UBE2H: variants seen among roughly 807,000 people sequenced by gnomAD.
The protein encoded by UBE2H is ubiquitin conjugating enzyme E2 H.
Under a neutral mutation model 29.0 loss-of-function variants are expected in UBE2H, and 3 were observed. The observed-to-expected ratio is 0.10, with a 90% CI of 0.05 to 0.27. The LOEUF is 0.27. Ranked by LOEUF, UBE2H falls within the 10% of genes least tolerant of loss-of-function variation. UBE2H has a pLI of 1.00. For missense variants in UBE2H, 68 were observed against 228.2 expected (o/e 0.30, Z 4.52); for synonymous variants, 69 against 82.9 (o/e 0.83, Z 0.91).
chr7:129,844,569 AAAGG>A (rs1039967691), intron 5 of UBE2H, among the ~76,000 whole-genome samples: 5 of 152,202 alleles, frequency 3.3e-5, no homozygotes, highest in African/African-American at 1.2e-4. Context: ...CAATTTTTTT[AAAGG>A]AAGAGAGCCA....
intron 5 of UBE2H, among the ~76,000 whole-genome samples, chr7:129,844,836 A>C (rs552660416): frequency 6.6e-6 from 1 of 152,334 alleles, no homozygotes; most frequent in South Asian, 2.1e-4. Flanking sequence ...CATATTTACT[A>C]TTTAAAAACA....
chr7:129,941,796 T>C (rs1325958907), intron 1 of UBE2H, among the ~76,000 whole-genome samples: 1 of 152,066 alleles, frequency 6.6e-6, no homozygotes, highest in Admixed American at 6.6e-5. Context: ...TTATAATTTA[T>C]CAGAAAGAAT....
chr7:129,918,269 C>T (rs1807083750), intron 1 of UBE2H, among the ~76,000 whole-genome samples: 1 of 152,058 alleles, frequency 6.6e-6, no homozygotes, highest in African/African-American at 2.4e-5. Context: ...GTTCTTTTAA[C>T]TATATCCATA....
chr7:129,952,105 C>T (rs1056606734), intron 1 of UBE2H, among the ~76,000 whole-genome samples: 5 of 151,910 alleles, frequency 3.3e-5, no homozygotes, highest in African/African-American at 4.8e-5. Flanking sequence ...GCTTCCCTCT[C>T]GGGAATTTCT....
chr7:129,878,638 G>A lies in UBE2H; in HGVS notation c.205+930C>T, dbSNP rs141776908. Among the ~76,000 whole-genome samples the A allele has an allele frequency of 6.6e-3, 941 of 142,068 alleles. 2 individuals are homozygous for A. Among genetic ancestry groups the A allele is most frequent in the Non-Finnish European group, 9.8e-3 (656 of 66,828 alleles). 93.2% of individuals were successfully genotyped at this position (142,068 alleles called of 152,430 possible). ...GCGGACCTTGCAGTGAGTCGAGATC[G>A]TGCCACTGCACTCCAGCCTGGGCGA... On this transcript the variant is annotated intron_variant, in intron 3 of 6. Coordinates refer to ENST00000355621, the MANE Select transcript of UBE2H (RefSeq NM_003344.4).
chr7:129,902,667 A>C (rs965855374), intron 1 of UBE2H, among the ~76,000 whole-genome samples: 2 of 152,144 alleles, frequency 1.3e-5, no homozygotes, highest in Admixed American at 6.6e-5. Context: ...AAATGAACAC[A>C]CTGGACCCCA....
At chr7:129,868,408 G>A (rs1391429849) in intron 3 of UBE2H, among the ~76,000 whole-genome samples, 1 of 148,196 alleles carries the variant, frequency 6.7e-6, no homozygotes, top group African/African-American at 2.5e-5. Flanking sequence ...GTGAAACCCC[G>A]TCTCTACTAA....
chr7:129,944,997 A>C (rs1231911036), intron 1 of UBE2H, among the ~76,000 whole-genome samples: 3 of 152,336 alleles, frequency 2.0e-5, no homozygotes, highest in East Asian at 3.9e-4. Context: ...TCTCAGAATT[A>C]TAAGTGAAAG....
chr7:129,938,464 C>T (rs1476093426), intron 1 of UBE2H, among the ~76,000 whole-genome samples: 1 of 146,888 alleles, frequency 6.8e-6, no homozygotes, highest in Non-Finnish European at 1.5e-5. Flanking sequence ...CTTGCAATCC[C>T]AGCACTTTGA....
intron 1 of UBE2H, among the ~76,000 whole-genome samples, chr7:129,934,638 TAA>T (rs758214225): frequency 3.2e-4 from 21 of 65,838 alleles, no homozygotes; most frequent in East Asian, 4.9e-4. Flanking sequence ...ACTCCGTCTT[TAA>T]AAAAAAAAAA....
chr7:129,909,976 A>AG (rs981874262), intron 1 of UBE2H, among the ~76,000 whole-genome samples: 23 of 152,090 alleles, frequency 1.5e-4, no homozygotes, highest in South Asian at 4.2e-4. Context: ...ACAAATATAG[A>AG]GGGGGGGTGA....
Position 129,887,123 on chromosome 7 carries a change from C to T in UBE2H, c.54-6152G>A, listed in dbSNP as rs189803758. On this transcript the variant is annotated intron_variant, in intron 1 of 6. Transcript: ENST00000355621. ...CTTTAAAACCTAATAACATAGTTAT[C>T]ATCAAAAGTTTAGCTTTGTAGAGGC... Among the ~76,000 whole-genome samples, 5 of 151,734 alleles carry T rather than the reference C, an allele frequency of 3.3e-5. No individual in the cohort carries two copies. In the South Asian group the frequency reaches 8.4e-4, roughly 25 times the overall value.
intron 4 of UBE2H, among the ~76,000 whole-genome samples, chr7:129,857,843 C>A (rs940306484): frequency 1.3e-5 from 2 of 152,176 alleles, no homozygotes; most frequent in Non-Finnish European, 2.9e-5. Flanking sequence ...TTGTGTGTCT[C>A]TGAATGTGAT....
At chr7:129,840,242 TAGGTGTGATC>T (rs2116268816) in intron 5 of UBE2H, among the ~76,000 whole-genome samples, 1 of 152,190 alleles carries the variant, frequency 6.6e-6, no homozygotes, top group East Asian at 1.9e-4. Context: ...TTGGAGTGCA[TAGGTGTGATC>T]ATACCTCACT....
At chr7:129,938,944 G>T (rs1417310021) in intron 1 of UBE2H, among the ~76,000 whole-genome samples, 1 of 151,636 alleles carries the variant, frequency 6.6e-6, no homozygotes, top group Non-Finnish European at 1.5e-5. Context: ...GATTACAGGC[G>T]CCTGCCACCA....
chr7:129,910,000 T>C (rs1021832316), intron 1 of UBE2H, among the ~76,000 whole-genome samples: 10 of 151,816 alleles, frequency 6.6e-5, no homozygotes, highest in African/African-American at 2.4e-4. Context: ...AAGGAAGGCT[T>C]TGAGTAAGAT....
intron 3 of UBE2H, among the ~76,000 whole-genome samples, chr7:129,859,630 T>G (rs1805764528): frequency 6.6e-6 from 1 of 152,196 alleles, no homozygotes; most frequent in African/African-American, 2.4e-5. Flanking sequence ...GTACACACTT[T>G]AATAGCTATA....
intron 3 of UBE2H, among the ~76,000 whole-genome samples, chr7:129,866,462 G>A (rs775103080): frequency 2.0e-5 from 3 of 151,906 alleles, no homozygotes; most frequent in Non-Finnish European, 4.4e-5. Context: ...TTTATCTTTC[G>A]ATCGCTGGGT....
In UBE2H at chr7:129,932,264, C is replaced by T. The variant is rs562168880; in HGVS notation, c.53+20239G>A. On this transcript the variant is annotated intron_variant, in intron 1 of 6. Transcript: ENST00000355621. Reference sequence around the variant, plus strand: ...TCAGCCCCCTGAGTAGCTGGGACTACAGGCGCCCGCCACCACGCCCGGCTA... The same window carrying T: ...TCAGCCCCCTGAGTAGCTGGGACTATAGGCGCCCGCCACCACGCCCGGCTA... Among the ~76,000 whole-genome samples the T allele has an allele frequency of 7.3e-5, 11 of 151,382 alleles. No individual in the cohort carries two copies. The South Asian group carries it at 2.1e-3, about 29-fold the overall frequency.
Sources: allele counts gnomAD v4.1 joint callset (sites outside exome capture counted in the v4.1 genomes callset), GRCh38; gene constraint gnomAD v4.1.1; transcripts MANE v1.5; gene names NCBI Gene and HGNC (gene_info 2026-07-23, HGNC 2026-07-21).